Variants in CA10 observed in about 807,000 individuals in gnomAD.
CA10 encodes the protein carbonic anhydrase 10 (inactive), also known as carbonic anhydrase-related protein 10.
In CA10, 14 loss-of-function variants were observed where a neutral mutation model predicts 44.2. The observed-to-expected ratio is 0.32, with a 90% CI of 0.21 to 0.50. CA10 has a LOEUF of 0.50. Ranked by LOEUF, CA10 falls within the 20% of genes least tolerant of loss-of-function variation. CA10 has a pLI of 0.99. For missense variants in CA10, 350 were observed against 409.7 expected, an observed-to-expected ratio of 0.85 and a Z score of 1.26; for synonymous variants, 159 against 141.6, an observed-to-expected ratio of 1.12 and a Z score of -0.87.
intron 3 of CA10, among the ~76,000 whole-genome samples, chr17:51,752,107 A>G (rs946086049): frequency 6.6e-6 from 1 of 152,030 alleles, no homozygotes; most frequent in Non-Finnish European, 1.5e-5. Context: ...CACTCTTCCC[A>G]TAGATACCGA....
At chr17:52,121,671 C>T (rs374589313) in intron 1 of CA10, among the ~76,000 whole-genome samples, 7 of 25,754 alleles carry the variant, frequency 2.7e-4, no homozygotes, top group African/African-American at 1.2e-3. Flanking sequence ...AACACACACA[C>T]ACACAGATAC....
intron 3 of CA10, among the ~76,000 whole-genome samples, chr17:51,867,504 G>C (rs1209639885): frequency 1.3e-5 from 2 of 152,184 alleles, no homozygotes; most frequent in Admixed American, 1.3e-4. Context: ...TCTATAATGA[G>C]ACGAGATGCT....
rs1281038000 is a variant in CA10, at chr17:51,633,626, G to A, written c.814C>T (p.Gln272Ter). The A allele has an allele frequency of 6.2e-7, 1 of 1,613,818 alleles. No homozygotes were observed. Among genetic ancestry groups the A allele is most frequent in the Admixed American group, 1.7e-5 (1 of 59,974 alleles). Residue 272 changes from glutamine to a stop codon, truncating the protein, a stop_gained, in exon 8 of 9, where the codon CAG (glutamine) becomes TAG (stop). Coordinates refer to ENST00000451037, the MANE Select transcript of CA10 (RefSeq NM_020178.5). LOFTEE classifies it high-confidence loss of function. ...MQMHSLRLLS[Q>*]NQPSQIFLSM... ...AGAAAGATCTGAGATGGCTGGTTCT[G>A]GCTGAGCAGGCGCAAGGAATGCATC...
Position 52,157,717 on chromosome 17 carries a change from G to C in CA10, c.61+9C>G, listed in dbSNP as rs201187222. On this transcript the variant is annotated intron_variant, in intron 1 of 8. Transcript: ENST00000451037. The stretch of plus-strand genomic sequence containing the variant: ...CCAAATCAGCCAGTGACTTCGGCGC[G>C]TCCCGTACCTGATATGCAGACGATG... 1 of 1,613,216 alleles carries C rather than the reference G, an allele frequency of 6.2e-7. No homozygotes were observed. The highest frequency in any genetic ancestry group is 8.5e-7 in the Non-Finnish European group (1 of 1,179,210).
At chr17:51,812,882 A>T (rs1907426163) in intron 3 of CA10, among the ~76,000 whole-genome samples, 1 of 152,336 alleles carries the variant, frequency 6.6e-6, no homozygotes, top group Non-Finnish European at 1.5e-5. Flanking sequence ...CATCAGGATG[A>T]GGGGACCTGC....
intron 2 of CA10, among the ~76,000 whole-genome samples, chr17:51,998,588 A>C (rs1401136637): frequency 6.6e-6 from 1 of 151,940 alleles, no homozygotes; most frequent in Non-Finnish European, 1.5e-5. Flanking sequence ...ACCCCTTTTC[A>C]CTGTGGGCTC....
intron 4 of CA10, among the ~76,000 whole-genome samples, chr17:51,697,764 T>G (rs1028968867): frequency 3.3e-5 from 5 of 152,226 alleles, no homozygotes; most frequent in Admixed American, 6.5e-5. Context: ...AATGAATGCA[T>G]GAATGAAATC....
chr17:51,674,826 T>A (rs1022888569), intron 4 of CA10, among the ~76,000 whole-genome samples: 2 of 152,190 alleles, frequency 1.3e-5, no homozygotes, highest in Non-Finnish European at 2.9e-5. Flanking sequence ...AGAAGGAAGA[T>A]GCCAGAAGTC....
intron 4 of CA10, among the ~76,000 whole-genome samples, chr17:51,701,503 C>A (rs903513441): frequency 6.6e-6 from 1 of 151,976 alleles, no homozygotes; most frequent in African/African-American, 2.4e-5. Context: ...TTTTATGTTT[C>A]TTGTTTGTTT....
chr17:51,988,247 G>A (rs1436593629), intron 2 of CA10, among the ~76,000 whole-genome samples: 3 of 151,960 alleles, frequency 2.0e-5, no homozygotes, highest in Admixed American at 6.6e-5. Flanking sequence ...GACAGAAATC[G>A]AGTTGGGTTT....
intron 1 of CA10, among the ~76,000 whole-genome samples, chr17:52,080,877 T>C (rs1987956128): frequency 6.6e-6 from 1 of 152,222 alleles, no homozygotes; most frequent in African/African-American, 2.4e-5. Flanking sequence ...AGAACTTTAG[T>C]GTCTATTCCT....
At chr17:51,962,532 T>C (rs1045390967) in intron 2 of CA10, among the ~76,000 whole-genome samples, 8 of 152,262 alleles carry the variant, frequency 5.3e-5, no homozygotes, top group Admixed American at 5.2e-4. Flanking sequence ...GAATAAAATA[T>C]ATACCCAGGC....
chr17:52,146,587 G>A (rs1989591241), intron 1 of CA10, among the ~76,000 whole-genome samples: 1 of 152,080 alleles, frequency 6.6e-6, no homozygotes, highest in African/African-American at 2.4e-5. Flanking sequence ...CTACTCGGGA[G>A]GCTGAGGCAG....
chr17:51,902,242 T>A (rs577651746), intron 3 of CA10, among the ~76,000 whole-genome samples: 1 of 152,232 alleles, frequency 6.6e-6, no homozygotes, highest in East Asian at 1.9e-4. Context: ...CAGGTAAAAA[T>A]GTATTTCCTA....
At chr17:51,894,680 T>G in intron 3 of CA10, among the ~76,000 whole-genome samples, 1 of 152,168 alleles carries the variant, frequency 6.6e-6, no homozygotes, top group East Asian at 1.9e-4. Context: ...TTTAGCCCTA[T>G]GAAATCCATT....
chr17:52,123,368 T>TGG (rs1366614048), intron 1 of CA10, among the ~76,000 whole-genome samples: 3 of 42,040 alleles, frequency 7.1e-5, no homozygotes, highest in South Asian at 1.2e-3. Context: ...TGTATATATA[T>TGG]GGGGTGTGTG....
In CA10 at chr17:51,694,280, TAA is replaced by T. The variant is rs377546643; in HGVS notation, c.466-40546_466-40545del. ...AATTTACATTCCCACCAATAATGTA[TAA>T]GTGTTTCCTTTTTCTCCACAGCTTG... On this transcript the variant is annotated intron_variant, in intron 4 of 8. Coordinates refer to ENST00000451037, the MANE Select transcript of CA10 (RefSeq NM_020178.5). Among the ~76,000 whole-genome samples the T allele has an allele frequency of 3.9e-4, 59 of 152,268 alleles. 1 individual carries two copies. Among genetic ancestry groups the T allele is most frequent in the African/African-American group, 1.4e-3 (57 of 41,564 alleles).
chr17:52,025,953 A>G (rs1249308170), intron 2 of CA10, among the ~76,000 whole-genome samples: 1 of 152,070 alleles, frequency 6.6e-6, no homozygotes. Flanking sequence ...AGAAATATAT[A>G]TATACACATA....
At chr17:52,105,141 A>G (rs1988630151) in intron 1 of CA10, among the ~76,000 whole-genome samples, 1 of 121,982 alleles carries the variant, frequency 8.2e-6, no homozygotes, top group Non-Finnish European at 1.8e-5. Context: ...GGCTCAGGGA[A>G]TCTGTATTCA....
Sources: allele counts gnomAD v4.1 joint callset (sites outside exome capture counted in the v4.1 genomes callset), GRCh38; gene constraint gnomAD v4.1.1; transcripts MANE v1.5; gene names NCBI Gene and HGNC (gene_info 2026-07-23, HGNC 2026-07-21).